The following ANGPTL5 variants were observed in gnomAD, a reference collection of about 807,000 sequenced individuals.
ANGPTL5 encodes angiopoietin like 5, also known as angiopoietin-related protein 5.
A neutral mutation model predicts 39.4 loss-of-function variants in ANGPTL5; 34 were observed. That is an observed-to-expected ratio of 0.86 (90% CI 0.66 to 1.15). The LOEUF is 1.15. Ranked by LOEUF, ANGPTL5 falls within the 50% of genes most tolerant of loss-of-function variation. ANGPTL5 has a pLI of 0.00. For missense variants in ANGPTL5, 467 were observed against 457.5 expected (o/e 1.02, Z -0.19); for synonymous variants, 146 against 152.1 (o/e 0.96, Z 0.29).
intron 6 of ANGPTL5, 147 bp downstream of exon 6, chr11:101,902,472 ATT>A (rs993068535): frequency 2.2e-5 from 15 of 677,818 alleles, no homozygotes; most frequent in Admixed American, 8.5e-5. Context: ...AAAAACCAAA[ATT>A]TTGAAAGTAG....
chr11:101,902,059 TAA>T (rs892076202), intron 6 of ANGPTL5, among the ~76,000 whole-genome samples: 13 of 152,098 alleles, frequency 8.5e-5, no homozygotes, highest in South Asian at 2.1e-4. Flanking sequence ...AGAATAGACA[TAA>T]GAGTAATTTA....
At chr11:101,909,927 C>T (rs1019985875) in intron 1 of ANGPTL5, among the ~76,000 whole-genome samples, 1 of 152,212 alleles carries the variant, frequency 6.6e-6, no homozygotes, top group East Asian at 1.9e-4. Context: ...TCAGAGTATA[C>T]CCAAATAAGA....
intron 1 of ANGPTL5, among the ~76,000 whole-genome samples, chr11:101,910,717 T>G (rs1407697835): frequency 6.6e-6 from 1 of 152,164 alleles, no homozygotes; most frequent in Non-Finnish European, 1.5e-5. Flanking sequence ...TCTCGCTTAC[T>G]GCAACCATCC....
At chr11:101,901,282 A>C (rs1211897810) in intron 6 of ANGPTL5, among the ~76,000 whole-genome samples, 2 of 151,656 alleles carry the variant, frequency 1.3e-5, no homozygotes, top group African/African-American at 4.8e-5. Context: ...GTATTTCTCT[A>C]TAAACTAAAT....
At chr11:101,912,618 ATTTCT>A in intron 1 of ANGPTL5, among the ~76,000 whole-genome samples, 1 of 152,350 alleles carries the variant, frequency 6.6e-6, no homozygotes, top group East Asian at 1.9e-4. Context: ...ATTGTTTGAA[ATTTCT>A]TTTCTTCTTG....
chr11:101,900,642 A>G, intron 6 of ANGPTL5, 92 bp from the exon 7 acceptor site: 1 of 1,374,018 alleles, frequency 7.3e-7, no homozygotes, highest in Non-Finnish European at 1.0e-6. Context: ...GGCTTAGAAA[A>G]AGAGACGGTA....
At chr11:101,895,562 G>T (rs1005661980) in intron 7 of ANGPTL5, among the ~76,000 whole-genome samples, 5 of 152,020 alleles carry the variant, frequency 3.3e-5, no homozygotes, top group Admixed American at 6.6e-5. Context: ...ATTTTTTTCT[G>T]TCTTGGAATA....
chr11:101,907,064 T>C, intron 3 of ANGPTL5, 39 bp downstream of exon 3: 1 of 1,422,142 alleles, frequency 7.0e-7, no homozygotes. Context: ...AAATAATGAA[T>C]CATATACTCT....
intron 6 of ANGPTL5, among the ~76,000 whole-genome samples, chr11:101,900,816 A>G (rs1263136245): frequency 6.6e-6 from 1 of 152,114 alleles, no homozygotes. Context: ...AGTCCTTATA[A>G]CAATCATTTT....
At chr11:101,896,453 A>G (rs1245047367) in intron 7 of ANGPTL5, among the ~76,000 whole-genome samples, 1 of 151,974 alleles carries the variant, frequency 6.6e-6, no homozygotes, top group Non-Finnish European at 1.5e-5. Context: ...GATTCGCTGC[A>G]CCCATGAACT....
rs34425298 is a variant in ANGPTL5, at chr11:101,901,015, C to CTTTTT, written c.541-470_541-466dup. On this transcript the variant is annotated intron_variant, in intron 6 of 8. Transcript: ENST00000334289. ...TACAGGCGCCCGCTAGCACCCCCGG[C>CTTTTT]TTTTTTTTTTTTTTTTTTTTTCTTT... Among the ~76,000 whole-genome samples the CTTTTT allele has an allele frequency of 3.2e-3, 311 of 98,576 alleles. 3 individuals carry two copies. Among genetic ancestry groups the CTTTTT allele is most frequent in the African/African-American group, 5.6e-3 (133 of 23,794 alleles). The allele number at this position is 98,576 out of a possible 152,430, so 64.7% of individuals were successfully genotyped here. A position where few individuals can be genotyped will look rare whatever the true frequency, so the allele number is the denominator to read the frequency against.
At chr11:101,914,779 C>T (rs924230668) in intron 1 of ANGPTL5, among the ~76,000 whole-genome samples, 1 of 152,194 alleles carries the variant, frequency 6.6e-6, no homozygotes, top group South Asian at 2.1e-4. Flanking sequence ...TGTCTTTCGT[C>T]ACTGTCGGTA....
At chr11:101,897,427 G>A (rs766203103) in intron 7 of ANGPTL5, among the ~76,000 whole-genome samples, 5 of 152,094 alleles carry the variant, frequency 3.3e-5, no homozygotes, top group Non-Finnish European at 2.9e-5. Context: ...TGAAGTCTTT[G>A]CCCATGCCTA....
At chr11:101,899,058 G>C (rs1157068867) in intron 7 of ANGPTL5, among the ~76,000 whole-genome samples, 1 of 152,172 alleles carries the variant, frequency 6.6e-6, no homozygotes, top group Non-Finnish European at 1.5e-5. Flanking sequence ...GTATTTTATT[G>C]AGGATTTTCG....
In ANGPTL5 at chr11:101,891,276, A is replaced by G; in HGVS notation, c.*3T>C. Reference sequence around the variant, plus strand: ...AGAACTTGCATTACAATGTTAAATGAGATTATTTAAAATATGGATTGTACA... The same window carrying G: ...AGAACTTGCATTACAATGTTAAATGGGATTATTTAAAATATGGATTGTACA... On this transcript the variant is annotated 3_prime_UTR_variant, in exon 9 of 9. Transcript: ENST00000334289. The G allele has an allele frequency of 6.3e-7, 1 of 1,596,296 alleles. No homozygotes were observed. Among genetic ancestry groups the G allele is most frequent in the Non-Finnish European group, 8.6e-7 (1 of 1,164,254 alleles).
intron 1 of ANGPTL5, among the ~76,000 whole-genome samples, chr11:101,909,606 T>C (rs1317733347): frequency 6.6e-6 from 1 of 152,198 alleles, no homozygotes; most frequent in Non-Finnish European, 1.5e-5. Context: ...CAGCCAGATG[T>C]TAAAATTCTT....
intron 7 of ANGPTL5, among the ~76,000 whole-genome samples, chr11:101,899,999 A>C (rs1163927089): frequency 6.6e-6 from 1 of 152,240 alleles, no homozygotes; most frequent in Non-Finnish European, 1.5e-5. Flanking sequence ...TAATATGCTC[A>C]GTTTAAATAA....
At position 101,902,606 on chromosome 11, in the gene ANGPTL5, A is replaced by C. The variant is rs1171024623; in HGVS notation, c.540+15T>G. On this transcript the variant is annotated intron_variant, in intron 6 of 8. Transcript: ENST00000334289. Reference sequence around the variant, plus strand: ...AGCCCACATAATACGGGAAAACTTCAAATACGGGAAATACCTCAAATGGGT... The same window carrying C: ...AGCCCACATAATACGGGAAAACTTCCAATACGGGAAATACCTCAAATGGGT... The C allele has an allele frequency of 6.4e-7, 1 of 1,558,392 alleles. No homozygotes were observed. The highest frequency in any genetic ancestry group is 1.4e-5 in the African/African-American group (1 of 73,702).
chr11:101,896,512 C>T (rs910063231), intron 7 of ANGPTL5, among the ~76,000 whole-genome samples: 1 of 152,112 alleles, frequency 6.6e-6, no homozygotes, highest in Non-Finnish European at 1.5e-5. Flanking sequence ...CCTCTAGCCC[C>T]CACCCCCTGA....
Sources: gnomAD v4.1 joint callset for allele counts (sites outside exome capture counted in the v4.1 genomes callset) on GRCh38, gnomAD v4.1.1 for gene constraint, MANE v1.5 for transcripts, NCBI Gene and HGNC (gene_info 2026-07-23, HGNC 2026-07-21) for gene names.